The following SASH1 variants were observed in gnomAD, a reference collection of about 807,000 sequenced individuals.
SASH1 encodes SAM and SH3 domain-containing protein 1.
In SASH1, 44 loss-of-function variants were observed where a neutral mutation model predicts 125.2. The ratio of observed to expected loss-of-function variants is 0.35; its 90% CI spans 0.28 to 0.45. The LOEUF (loss-of-function observed/expected upper bound fraction) is 0.45, where lower values mean the gene tolerates loss of function less well. Ranked by LOEUF, SASH1 falls within the 20% of genes least tolerant of loss-of-function variation. The pLI, the probability that SASH1 is intolerant of heterozygous loss-of-function variation, is 1.00. For synonymous variants in SASH1, 639 were observed against 649.1 expected (o/e 0.98, Z 0.24); for missense variants, 1,426 against 1,614.5 (o/e 0.88, Z 2.00).
chr6:148,447,723 A>T (rs13218983), intron 4 of SASH1, among the ~76,000 whole-genome samples: 7 of 82,418 alleles, frequency 8.5e-5, no homozygotes, highest in East Asian at 9.0e-4. Context: ...CCTCCTCCTC[A>T]TCCTCCTCCT....
rs145922630 is a variant in SASH1 at position 148,448,057 on chromosome 6, G to C, written c.386+7650G>C. On this transcript the variant is annotated intron_variant, in intron 4 of 19. Coordinates refer to ENST00000367467, the MANE Select transcript of SASH1 (RefSeq NM_015278.5). Reference sequence around the variant, plus strand: ...GTAATCCACAGACTTGAGGTGAAGTGGCCTGGTACTTGGCCTCTACACCCC... The same window carrying C: ...GTAATCCACAGACTTGAGGTGAAGTCGCCTGGTACTTGGCCTCTACACCCC... Among the ~76,000 whole-genome samples the C allele has an allele frequency of 3.3e-5, 5 of 152,102 alleles. No homozygotes were observed. The East Asian group carries it at 9.7e-4, about 30-fold the overall frequency.
the SASH1 span, among the ~76,000 whole-genome samples, chr6:148,264,616 C>T: frequency 8.5e-5 from 13 of 152,226 alleles, no homozygotes; most frequent in Admixed American, 8.5e-4. Flanking sequence ...GTTGTCCACA[C>T]CCAGTCATAC....
At position 148,533,993 on chromosome 6, in the gene SASH1, T is replaced by C; in HGVS notation, c.1944+13T>C. On this transcript the variant is annotated intron_variant, in intron 15 of 19. Coordinates refer to ENST00000367467, the MANE Select transcript of SASH1 (RefSeq NM_015278.5). The surrounding 1 kb of genome is among the most constrained non-coding windows in gnomAD (Gnocchi z 6.2). Reference sequence around the variant, plus strand: ...GATTAACCTAAAAGTCAGTCGCTTCTGATTCTTGTCACACGCTACTACCTC... The same window carrying C: ...GATTAACCTAAAAGTCAGTCGCTTCCGATTCTTGTCACACGCTACTACCTC... 6.2e-7 allele frequency: 1 copy of C among 1,612,434 alleles called. No homozygotes were observed. The highest frequency in any genetic ancestry group is 8.5e-7 in the Non-Finnish European group (1 of 1,178,546).
chr6:148,252,770 T>A, the SASH1 span, among the ~76,000 whole-genome samples: 33 of 152,152 alleles, frequency 2.2e-4, no homozygotes, highest in African/African-American at 7.2e-4. Context: ...TGAGCCACCA[T>A]GCCCAGCCCA....
chr6:148,277,227 G>A lies in SASH1; in HGVS notation n.74+4850G>A, dbSNP rs146418559. On this transcript the variant is annotated intron_variant and non_coding_transcript_variant, in intron 1 of 3. Coordinates refer to the SASH1 transcript ENST00000367469. ...ACCTGCAGCTGAGGTGGCTCCTGGC[G>A]TGGTCAGGTGGCCAATGTGGCCACT... 3.6e-3 allele frequency among the ~76,000 whole-genome samples: 547 copies of A among 152,334 alleles called. 1 individual carries two copies. The highest frequency in any genetic ancestry group is 0.012 in the African/African-American group (519 of 41,578).
intron 9 of SASH1, among the ~76,000 whole-genome samples, chr6:148,516,905 A>T (rs1226859730): frequency 6.6e-6 from 1 of 152,048 alleles, no homozygotes; most frequent in African/African-American, 2.4e-5. Flanking sequence ...TCAGTTCTTC[A>T]TTCATTCTCA....
At chr6:148,273,222 T>A (rs182014229) in intron 1 of SASH1, among the ~76,000 whole-genome samples, 1 of 152,042 alleles carries the variant, frequency 6.6e-6, no homozygotes, top group African/African-American at 2.4e-5. Context: ...ATCACACCAC[T>A]GCACTCTAGC....
chr6:148,414,743 G>A lies in SASH1; in HGVS notation c.285+24481G>A, dbSNP rs148957718. On this transcript the variant is annotated intron_variant, in intron 2 of 19. Transcript: ENST00000367467. ...TGCAGTGATGCGATTTTGGCATACCGCAACCTCTGCCTTCTGGGCTCAAGC... is the reference window on the plus strand; with the variant it reads ...TGCAGTGATGCGATTTTGGCATACCACAACCTCTGCCTTCTGGGCTCAAGC... Among the ~76,000 whole-genome samples, 127 of 152,026 alleles carry A rather than the reference G, an allele frequency of 8.4e-4. No homozygotes were observed. In the East Asian group the frequency reaches 0.017, roughly 21 times the overall value.
intron 1 of SASH1, among the ~76,000 whole-genome samples, chr6:148,352,465 C>A (rs998100157): frequency 1.3e-5 from 2 of 151,932 alleles, no homozygotes; most frequent in Non-Finnish European, 2.9e-5. Flanking sequence ...GGCATAGTGG[C>A]AGGCGCCTGT....
At chr6:148,222,891 G>A in the SASH1 span, among the ~76,000 whole-genome samples, 2 of 151,992 alleles carry the variant, frequency 1.3e-5, no homozygotes, top group Admixed American at 1.3e-4. Flanking sequence ...AGGGCTGGGG[G>A]CTTCTGTTTC....
intron 15 of SASH1, among the ~76,000 whole-genome samples, 189 bp downstream of exon 15, chr6:148,534,169 C>A (rs1035940418): frequency 5.9e-5 from 9 of 152,212 alleles, no homozygotes; most frequent in African/African-American, 1.9e-4. Flanking sequence ...TTTTCCAACA[C>A]TGCCCTTGAC....
the SASH1 span, among the ~76,000 whole-genome samples, chr6:148,218,032 TA>T: frequency 6.8e-6 from 1 of 146,616 alleles, no homozygotes; most frequent in African/African-American, 2.5e-5. Flanking sequence ...AAAAAATAAA[TA>T]AAAAAAATGA....
intron 8 of SASH1, among the ~76,000 whole-genome samples, chr6:148,507,350 A>G (rs898126927): frequency 7.0e-5 from 9 of 128,248 alleles, no homozygotes; most frequent in Non-Finnish European, 1.1e-4. Context: ...TTCGTATTCC[A>G]ATTCCCTTTT....
At chr6:148,442,460 G>A (rs545751077) in intron 4 of SASH1, among the ~76,000 whole-genome samples, 180 of 152,208 alleles carry the variant, frequency 1.2e-3, no homozygotes, top group African/African-American at 4.1e-3. Context: ...ATTGTGCAGT[G>A]AATGTTCATG....
At chr6:148,242,267 G>A in the SASH1 span, among the ~76,000 whole-genome samples, 3 of 152,344 alleles carry the variant, frequency 2.0e-5, no homozygotes, top group Non-Finnish European at 2.9e-5. Context: ...AACAGAAAGG[G>A]TGGGAAAATA....
chr6:148,435,163 C>T (rs539405060), intron 2 of SASH1, among the ~76,000 whole-genome samples: 8 of 152,074 alleles, frequency 5.3e-5, no homozygotes, highest in African/African-American at 1.9e-4. Flanking sequence ...AAGTTGGAGA[C>T]CAGTCTGGCC....
chr6:148,486,978 TA>T (rs1778885765), intron 7 of SASH1, among the ~76,000 whole-genome samples: 1 of 94,340 alleles, frequency 1.1e-5, no homozygotes, highest in Non-Finnish European at 2.1e-5. Context: ...TATATATATA[TA>T]TATATATATA....
At chr6:148,241,443 A>G in the SASH1 span, among the ~76,000 whole-genome samples, 1 of 152,230 alleles carries the variant, frequency 6.6e-6, no homozygotes, top group South Asian at 2.1e-4. Context: ...CTTAAAATAC[A>G]TGCATTGAGA....
intron 2 of SASH1, among the ~76,000 whole-genome samples, chr6:148,421,208 A>AGAAAGAAAGAAG: frequency 7.2e-6 from 1 of 138,472 alleles, no homozygotes; most frequent in South Asian, 2.2e-4. Context: ...AAAGAAAGAA[A>AGAAAGAAAGAAG]GAAAGAAAAA....
Sources: gnomAD v4.1 joint callset for allele counts (sites outside exome capture counted in the v4.1 genomes callset) on GRCh38, gnomAD v4.1.1 for gene constraint, Gnocchi (gnomAD v3.1) non-coding constraint, MANE v1.5 for transcripts, NCBI Gene and HGNC (gene_info 2026-07-23, HGNC 2026-07-21) for gene names.